The following TSHR variants were observed in gnomAD, a reference collection of about 807,000 sequenced individuals.
The protein encoded by TSHR is thyroid stimulating hormone receptor.
Under a neutral mutation model 64.1 loss-of-function variants are expected in TSHR, and 51 were observed. The observed-to-expected ratio is 0.80, with a 90% confidence interval of 0.64 to 1.01. The LOEUF is 1.01. Among genes scored for constraint, TSHR ranks in the 50% least tolerant of loss-of-function variants. The probability of loss-of-function intolerance (pLI) is 0.00; values close to 1 mark genes in which losing one functional copy is unlikely to be tolerated. For synonymous variants in TSHR, 361 were observed against 361.9 expected (o/e 1.00, Z 0.03); for missense variants, 877 against 942.8 (o/e 0.93, Z 0.91).
intron 1 of TSHR, among the ~76,000 whole-genome samples, chr14:80,970,996 C>T (rs179254): frequency 0.59 from 90,268 of 151,994 alleles, 27,897 homozygotes; most frequent in East Asian, 0.8. Context: ...CACTACTGCC[C>T]GGCTAATTTT....
intron 1 of TSHR, among the ~76,000 whole-genome samples, chr14:80,970,998 G>T (rs977900726): frequency 6.6e-6 from 1 of 152,054 alleles, no homozygotes; most frequent in Non-Finnish European, 1.5e-5. Context: ...CTACTGCCCG[G>T]CTAATTTTTG....
At chr14:80,976,163 G>A (rs1005636681) in intron 1 of TSHR, among the ~76,000 whole-genome samples, 4 of 152,104 alleles carry the variant, frequency 2.6e-5, no homozygotes, top group Admixed American at 1.3e-4. Flanking sequence ...CGCCCGCCTC[G>A]GCCTCCCAAA....
At chr14:81,047,771 C>T (rs1016616731) in intron 1 of TSHR, among the ~76,000 whole-genome samples, 1 of 151,738 alleles carries the variant, frequency 6.6e-6, no homozygotes, top group Non-Finnish European at 1.5e-5. Flanking sequence ...CTCAGCCTCC[C>T]GAGTAGCTGG....
chr14:81,143,919 A>G lies in TSHR; in HGVS notation c.1861A>G (p.Lys621Glu). The change falls in exon 10 of 10, where the codon AAA becomes GAA. Residue 621 changes from lysine (K) to glutamate (E), a missense_variant. Transcript: ENST00000298171. ...GTACAACCCAGGGGACAAAGATACC[A>G]AAATTGCCAAGAGGATGGCTGTGTT... ...PQYNPGDKDT[K>E]IAKRMAVLIF... is the part of the protein sequence containing the mutation. 1 of 1,614,266 alleles carries G rather than the reference A, an allele frequency of 6.2e-7. No individual in the cohort carries two copies. The highest frequency in any genetic ancestry group is 8.5e-7 in the Non-Finnish European group (1 of 1,180,048).
At chr14:80,975,476 C>T (rs1316861643) in intron 1 of TSHR, among the ~76,000 whole-genome samples, 4 of 152,160 alleles carry the variant, frequency 2.6e-5, no homozygotes, top group Non-Finnish European at 5.9e-5. Context: ...AAAAATTTCA[C>T]TCCAATACGT....
At chr14:80,960,764 G>A (rs1886980314) in intron 1 of TSHR, among the ~76,000 whole-genome samples, 1 of 152,230 alleles carries the variant, frequency 6.6e-6, no homozygotes, top group Admixed American at 6.5e-5. Flanking sequence ...GAAAGAACAT[G>A]TAATTTACAG....
At chr14:81,048,426 T>C (rs1287604352) in intron 1 of TSHR, among the ~76,000 whole-genome samples, 5 of 152,174 alleles carry the variant, frequency 3.3e-5, no homozygotes, top group Non-Finnish European at 4.4e-5. Context: ...TATGGTTTCC[T>C]TCCACATCCC....
chr14:81,034,622 A>G (rs941902062), intron 1 of TSHR, among the ~76,000 whole-genome samples: 2 of 152,206 alleles, frequency 1.3e-5, no homozygotes, highest in Non-Finnish European at 2.9e-5. Flanking sequence ...TCAAATAATT[A>G]GTCATAGCTT....
chr14:81,096,765 TG>T (rs1889224469), intron 7 of TSHR, 58 bp downstream of exon 7: 3 of 1,547,496 alleles, frequency 1.9e-6, no homozygotes, highest in Non-Finnish European at 2.7e-6. Context: ...AACCATCCAA[TG>T]GGGCAGAATG....
intron 3 of TSHR, among the ~76,000 whole-genome samples, chr14:81,083,026 T>C (rs1888021549): frequency 2.7e-3 from 1 of 370 alleles, no homozygotes; most frequent in Admixed American, 0.028. Context: ...AAATTAGTGG[T>C]TGGAAAAAAA....
chr14:80,979,062 C>A (rs1027791529), intron 1 of TSHR, among the ~76,000 whole-genome samples: 3 of 152,206 alleles, frequency 2.0e-5, no homozygotes, highest in Non-Finnish European at 4.4e-5. Context: ...ACATTATTAT[C>A]TTCTTGGCCA....
At chr14:81,106,645 CTATT>C (rs1889911758) in intron 7 of TSHR, among the ~76,000 whole-genome samples, 1 of 152,072 alleles carries the variant, frequency 6.6e-6, no homozygotes, top group Admixed American at 6.6e-5. Flanking sequence ...TTCTCAATCT[CTATT>C]TAAGAAGAAA....
chr14:80,963,014 T>A (rs1887113966), intron 1 of TSHR, among the ~76,000 whole-genome samples: 1 of 152,214 alleles, frequency 6.6e-6, no homozygotes, highest in South Asian at 2.1e-4. Context: ...AGTAAACTTA[T>A]TAAAACCTCT....
intron 1 of TSHR, among the ~76,000 whole-genome samples, chr14:80,985,819 A>G (rs1310702907): frequency 6.6e-6 from 1 of 152,256 alleles, no homozygotes; most frequent in Non-Finnish European, 1.5e-5. Flanking sequence ...AATAGAATAT[A>G]TACAAGGGGT....
In TSHR at chr14:81,103,126, A is replaced by C; in HGVS notation, c.615-5249A>C. The C allele has an allele frequency of 1.0e-6, 1 of 985,426 alleles. No homozygotes were observed. Among genetic ancestry groups the C allele is most frequent in the African/African-American group, 1.7e-5 (1 of 57,356 alleles). 61.0% of individuals were successfully genotyped at this position (985,426 alleles called of 1,614,324 possible). ...TTGTGATAAGGAGCCCTGGGACTGG[A>C]GGAAGACAAGGATTGAGCTATAGGT... On this transcript the variant is annotated intron_variant, in intron 7 of 9. Transcript: ENST00000298171. The surrounding 1 kb of genome is among the most constrained non-coding windows in gnomAD (Gnocchi z 4.1).
At chr14:81,088,086 G>C (rs866639596) in intron 4 of TSHR, 58 bp downstream of exon 4, 1 of 1,338,814 alleles carries the variant, frequency 7.5e-7, no homozygotes, top group Non-Finnish European at 1.1e-6. Flanking sequence ...CAGATTTAAT[G>C]CTGTTGTCTC....
At chr14:80,979,589 T>C (rs1888065287) in intron 1 of TSHR, among the ~76,000 whole-genome samples, 1 of 152,224 alleles carries the variant, frequency 6.6e-6, no homozygotes, top group African/African-American at 2.4e-5. Flanking sequence ...TCTGATTTGA[T>C]CATTATACAA....
At chr14:81,113,386 C>G (rs1056999565) in intron 8 of TSHR, among the ~76,000 whole-genome samples, 1 of 152,082 alleles carries the variant, frequency 6.6e-6, no homozygotes, top group Non-Finnish European at 1.5e-5. Flanking sequence ...AGTTTGAGGT[C>G]CCATGATGCA....
chr14:81,033,330 G>A, intron 1 of TSHR: 1 of 325,216 alleles, frequency 3.1e-6, no homozygotes, highest in Non-Finnish European at 6.0e-6. Context: ...CGAGAGTGAA[G>A]ACAGTGAAGA....
Sources: allele counts gnomAD v4.1 joint callset (sites outside exome capture counted in the v4.1 genomes callset), GRCh38; gene constraint gnomAD v4.1.1; non-coding constraint Gnocchi (gnomAD v3.1); transcripts MANE v1.5; gene names NCBI Gene and HGNC (gene_info 2026-07-23, HGNC 2026-07-21).